The following ZNF469 variants were observed in gnomAD, a reference collection of about 807,000 sequenced individuals.
ZNF469 encodes the protein zinc finger protein 469.
A neutral mutation model predicts 1.0 loss-of-function variants in ZNF469; 1 was observed. The observed-to-expected ratio is 1.00, with a 90% CI of 0.35 to 4.73. The LOEUF (loss-of-function observed/expected upper bound fraction) is 4.73. Among genes scored for constraint, ZNF469 ranks in the 30% most tolerant of loss-of-function variants. ZNF469 has a pLI of 0.16. For synonymous variants in ZNF469, 2,703 were observed against 2,363.4 expected, an observed-to-expected ratio of 1.14 and a Z score of -4.17; for missense variants, 6,100 against 5,356.3, an observed-to-expected ratio of 1.14 and a Z score of -4.33.
intron 2 of ZNF469, among the ~76,000 whole-genome samples, chr16:88,425,121 C>T (rs1374282245): frequency 6.6e-6 from 1 of 152,226 alleles, no homozygotes; most frequent in Non-Finnish European, 1.5e-5. Flanking sequence ...GCAGGCCTCA[C>T]TCCTTCCCTT....
At chr16:88,183,765 C>G in the ZNF469 span, among the ~76,000 whole-genome samples, 1 of 152,202 alleles carries the variant, frequency 6.6e-6, no homozygotes, top group Non-Finnish European at 1.5e-5. Flanking sequence ...ATAAACCTGA[C>G]TTGTAAAAGC....
chr16:88,165,103 A>C, the ZNF469 span, among the ~76,000 whole-genome samples: 18,070 of 152,234 alleles, frequency 0.12, 2,213 homozygotes, highest in African/African-American at 0.31. Context: ...CATGGCTTTC[A>C]GTTGTGCTCA....
intron 1 of ZNF469, among the ~76,000 whole-genome samples, chr16:88,413,760 C>T (rs955267234): frequency 7.2e-5 from 11 of 152,168 alleles, no homozygotes; most frequent in African/African-American, 2.7e-4. Flanking sequence ...CAGGGACATC[C>T]CAGCTCCTGG....
chr16:88,356,413 G>A, the ZNF469 span, among the ~76,000 whole-genome samples: 1 of 152,170 alleles, frequency 6.6e-6, no homozygotes, highest in Non-Finnish European at 1.5e-5. Flanking sequence ...AGCCCCTGGG[G>A]AGGCCTGTGT....
the ZNF469 span, among the ~76,000 whole-genome samples, chr16:88,220,724 G>A: frequency 1.3e-5 from 2 of 152,076 alleles, no homozygotes; most frequent in Non-Finnish European, 2.9e-5. Flanking sequence ...ACCTGAGTCT[G>A]TGGTTCCAGG....
the ZNF469 span, among the ~76,000 whole-genome samples, chr16:88,202,175 A>G: frequency 6.6e-6 from 1 of 152,172 alleles, no homozygotes; most frequent in South Asian, 2.1e-4. Context: ...GTTGGCTGTC[A>G]TCACTATTAA....
chr16:88,224,145 G>C, the ZNF469 span, among the ~76,000 whole-genome samples: 1 of 152,220 alleles, frequency 6.6e-6, no homozygotes, highest in East Asian at 1.9e-4. Flanking sequence ...TTCTGCAGAA[G>C]GGCGCTGAGA....
chr16:88,115,031 A>C, the ZNF469 span, among the ~76,000 whole-genome samples: 1 of 151,850 alleles, frequency 6.6e-6, no homozygotes, highest in Non-Finnish European at 1.5e-5. Context: ...ACAACCACCA[A>C]CCCTCCAGGT....
the ZNF469 span, among the ~76,000 whole-genome samples, chr16:88,131,726 G>T: frequency 6.6e-6 from 1 of 152,258 alleles, no homozygotes; most frequent in African/African-American, 2.4e-5. Context: ...TGGCCACACG[G>T]CGTCCACTGC....
At chr16:88,311,499 A>T in the ZNF469 span, among the ~76,000 whole-genome samples, 1 of 152,258 alleles carries the variant, frequency 6.6e-6, no homozygotes. Flanking sequence ...CAGAGAAAAT[A>T]AACAGTCTCA....
chr16:88,379,193 G>A (rs576974570), upstream of ZNF469, among the ~76,000 whole-genome samples: 7 of 152,296 alleles, frequency 4.6e-5, no homozygotes, highest in East Asian at 7.7e-4. Context: ...CTCGCCCCCC[G>A]AGGTTGATCA....
At chr16:88,407,945 A>G (rs1418903204) in intron 1 of ZNF469, among the ~76,000 whole-genome samples, 1 of 152,232 alleles carries the variant, frequency 6.6e-6, no homozygotes, top group Admixed American at 6.5e-5. Flanking sequence ...GCATCACGTG[A>G]GTGCATGCAT....
At chr16:88,418,551 C>CCG (rs890463441) in intron 1 of ZNF469, among the ~76,000 whole-genome samples, 25 of 152,168 alleles carry the variant, frequency 1.6e-4, no homozygotes, top group African/African-American at 5.8e-4. Context: ...CCACCGCCCC[C>CCG]CCGGCCACCT....
At chr16:88,151,392 C>T in the ZNF469 span, among the ~76,000 whole-genome samples, 2 of 152,230 alleles carry the variant, frequency 1.3e-5, no homozygotes, top group African/African-American at 4.8e-5. The surrounding 1 kb of genome is among the most constrained non-coding windows in gnomAD (Gnocchi z 5.4). Context: ...TGGGCGGCTG[C>T]GTGTCAGAGA....
chr16:88,291,774 C>A, the ZNF469 span, among the ~76,000 whole-genome samples: 1 of 152,192 alleles, frequency 6.6e-6, no homozygotes, highest in East Asian at 1.9e-4. Flanking sequence ...ATCCTCCCTG[C>A]GTCTGGGTGT....
chr16:88,247,929 T>G, the ZNF469 span, among the ~76,000 whole-genome samples: 1 of 152,232 alleles, frequency 6.6e-6, no homozygotes, highest in Non-Finnish European at 1.5e-5. Flanking sequence ...ACATCCAAAT[T>G]GCTGACCCTC....
At chr16:88,366,117 C>G in the ZNF469 span, among the ~76,000 whole-genome samples, 1 of 149,900 alleles carries the variant, frequency 6.7e-6, no homozygotes, top group South Asian at 2.1e-4. Context: ...CCATCATCAT[C>G]ACCATCATCA....
chr16:88,154,354 TG>T, the ZNF469 span, among the ~76,000 whole-genome samples: 1 of 152,122 alleles, frequency 6.6e-6, no homozygotes, highest in Non-Finnish European at 1.5e-5. Context: ...GATGTAGAGA[TG>T]GGGTTTCGCC....
In ZNF469 at chr16:88,427,736, A is replaced by G. The variant is rs1022368248; in HGVS notation, c.266A>G (p.Lys89Arg). The stretch of plus-strand genomic sequence containing the variant: ...CAGGCCCCGAGCAGCACCCCTGGGA[A>G]GAGGGGCAGCCCCCAGACCCCACCG... The part of the protein sequence containing the change: ...RGQAPSSTPG[K>R]RGSPQTPPGR... The change falls in exon 3 of 3, where the codon AAG (lysine) becomes AGG (arginine). Residue 89 changes from lysine (K) to arginine (R), a missense_variant. Physicochemically the swap from Lys to Arg is conservative, Grantham distance 26. Coordinates refer to ENST00000565624, the MANE Select transcript of ZNF469 (RefSeq NM_001367624.2). The G allele has an allele frequency of 6.2e-5, 96 of 1,539,992 alleles. No individual in the cohort carries two copies. In the East Asian group the frequency reaches 2.1e-3, roughly 33 times the overall value.
Sources: allele counts gnomAD v4.1 joint callset (sites outside exome capture counted in the v4.1 genomes callset), GRCh38; gene constraint gnomAD v4.1.1; non-coding constraint Gnocchi (gnomAD v3.1); transcripts MANE v1.5; gene names NCBI Gene and HGNC (gene_info 2026-07-23, HGNC 2026-07-21).